ELMO1: variants seen among roughly 807,000 people sequenced by gnomAD.
The protein encoded by ELMO1 is engulfment and cell motility 1, also known as engulfment and cell motility protein 1.
Under a neutral mutation model 98.9 loss-of-function variants are expected in ELMO1, and 26 were observed. The ratio of observed to expected loss-of-function variants is 0.26; its 90% CI spans 0.19 to 0.36. The LOEUF (loss-of-function observed/expected upper bound fraction) is 0.36. Among genes scored for constraint, ELMO1 ranks in the 10% least tolerant of loss-of-function variants. The pLI is 1.00. For missense variants in ELMO1, 627 were observed against 935.2 expected (o/e 0.67, Z 4.30); for synonymous variants, 346 against 346.0 (o/e 1.00, Z 0.00).
At chr7:37,068,982 C>T (rs1797129043) in intron 15 of ELMO1, among the ~76,000 whole-genome samples, 1 of 152,160 alleles carries the variant, frequency 6.6e-6, no homozygotes, top group Non-Finnish European at 1.5e-5. Context: ...GTGTTAATGA[C>T]CTCATTTTGA....
intron 13 of ELMO1, among the ~76,000 whole-genome samples, chr7:37,167,758 G>C (rs1444622274): frequency 6.6e-6 from 1 of 151,910 alleles, no homozygotes; most frequent in Non-Finnish European, 1.5e-5. Context: ...GTTTCTCTCT[G>C]GCTGCCCTTA....
intron 13 of ELMO1, among the ~76,000 whole-genome samples, chr7:37,188,699 T>C (rs1476390018): frequency 6.6e-6 from 1 of 151,976 alleles, no homozygotes; most frequent in Non-Finnish European, 1.5e-5. Context: ...CTAAGACTAA[T>C]GGTAATGGTA....
chr7:37,377,703 A>AT (rs1471172300), intron 1 of ELMO1, among the ~76,000 whole-genome samples: 2 of 152,184 alleles, frequency 1.3e-5, no homozygotes, highest in Admixed American at 1.3e-4. Context: ...CCAAAGTAGT[A>AT]TTCTGAATTT....
chr7:37,346,192 C>A (rs1801001449), intron 1 of ELMO1, among the ~76,000 whole-genome samples: 1 of 152,052 alleles, frequency 6.6e-6, no homozygotes, highest in Non-Finnish European at 1.5e-5. Flanking sequence ...ACTCCTGACC[C>A]CCTGGACACT....
chr7:37,295,714 A>G (rs978363562), intron 4 of ELMO1, among the ~76,000 whole-genome samples: 9 of 152,190 alleles, frequency 5.9e-5, no homozygotes, highest in African/African-American at 2.2e-4. Flanking sequence ...AAGGAGGAAA[A>G]AAAGCTCAGA....
At chr7:37,077,078 C>G (rs912842645) in intron 15 of ELMO1, among the ~76,000 whole-genome samples, 2 of 152,208 alleles carry the variant, frequency 1.3e-5, no homozygotes, top group African/African-American at 4.8e-5. Context: ...CGCTCCAACC[C>G]GTGCAGCCTC....
At chr7:36,875,872 C>T (rs1254021650) in intron 19 of ELMO1, among the ~76,000 whole-genome samples, 1 of 152,172 alleles carries the variant, frequency 6.6e-6, no homozygotes, top group African/African-American at 2.4e-5. Flanking sequence ...GCTGTGCTAA[C>T]ACCTGGCAAA....
rs530120268 is a variant in ELMO1, at chr7:36,932,804, G to A, written c.1438-37787C>T. Among the ~76,000 whole-genome samples, 10 of 152,274 alleles carry A rather than the reference G, an allele frequency of 6.6e-5. No individual in the cohort carries two copies. The East Asian group carries it at 1.9e-3, about 29-fold the overall frequency. On this transcript the variant is annotated intron_variant, in intron 16 of 21. Coordinates refer to ENST00000310758, the MANE Select transcript of ELMO1 (RefSeq NM_014800.11). ...CTCTGTCAGGCTGGCAATACCCTCT[G>A]TGTGCTCCATTCATCACTGAGTGTC... is the stretch of plus-strand genomic sequence containing the variant.
chr7:37,140,258 C>T (rs184658432), intron 13 of ELMO1, among the ~76,000 whole-genome samples: 157 of 150,850 alleles, frequency 1.0e-3, no homozygotes, highest in African/African-American at 3.5e-3. Context: ...TGGTGGCAGG[C>T]GCCTATAGTC....
intron 18 of ELMO1, among the ~76,000 whole-genome samples, chr7:36,881,576 TGA>T (rs1198829759): frequency 1.3e-5 from 2 of 152,184 alleles, no homozygotes; most frequent in African/African-American, 2.4e-5. Flanking sequence ...CAATTACTAA[TGA>T]GAGTACGTTA....
chr7:37,271,892 A>G lies in ELMO1; in HGVS notation c.193-10T>C, dbSNP rs765611183. 1.9e-6 allele frequency: 3 copies of G among 1,613,542 alleles called. No homozygotes were observed. The highest frequency in any genetic ancestry group is 2.5e-6 in the Non-Finnish European group (3 of 1,179,764). ...TTATCTCATTGCGGTTCTGGAAAAG[A>G]AGAAAAAATCTTTGTAAATTTTCAA... On this transcript the variant is annotated splice_polypyrimidine_tract_variant and intron_variant, in intron 4 of 21. Coordinates refer to ENST00000310758, the MANE Select transcript of ELMO1 (RefSeq NM_014800.11).
At chr7:36,978,031 C>T (rs1790722555) in intron 16 of ELMO1, among the ~76,000 whole-genome samples, 1 of 136,422 alleles carries the variant, frequency 7.3e-6, no homozygotes, top group Non-Finnish European at 1.7e-5. Context: ...GCTGGGAATC[C>T]CAAGGCCTAG....
intron 13 of ELMO1, among the ~76,000 whole-genome samples, chr7:37,142,439 G>A (rs112576437): frequency 0.023 from 3,513 of 152,236 alleles, 51 homozygotes; most frequent in Middle Eastern, 0.065. Flanking sequence ...TTCTTATCCC[G>A]GTTCTACTGA....
chr7:36,987,349 G>A (rs1791583494), intron 16 of ELMO1, among the ~76,000 whole-genome samples: 1 of 152,178 alleles, frequency 6.6e-6, no homozygotes, highest in South Asian at 2.1e-4. Context: ...GGTCAGACTC[G>A]AGGGGGCTCA....
At chr7:36,908,036 G>A (rs1473179080) in intron 16 of ELMO1, among the ~76,000 whole-genome samples, 1 of 152,126 alleles carries the variant, frequency 6.6e-6, no homozygotes, top group Admixed American at 6.5e-5. Flanking sequence ...TGTTTTTCCG[G>A]GCCTGAACTT....
chr7:37,344,340 G>A (rs995761683), intron 1 of ELMO1, among the ~76,000 whole-genome samples: 2 of 152,014 alleles, frequency 1.3e-5, no homozygotes, highest in Non-Finnish European at 2.9e-5. Flanking sequence ...CCAAAAGGGA[G>A]CATTCTTTTT....
chr7:36,949,566 G>A (rs181958823), intron 16 of ELMO1, among the ~76,000 whole-genome samples: 15 of 151,844 alleles, frequency 9.9e-5, no homozygotes, highest in Admixed American at 9.2e-4. Context: ...CTGACATTTG[G>A]GCCAGATAAT....
At chr7:37,277,196 G>T (rs773860046) in intron 4 of ELMO1, among the ~76,000 whole-genome samples, 1 of 152,258 alleles carries the variant, frequency 6.6e-6, no homozygotes, top group Non-Finnish European at 1.5e-5. Flanking sequence ...GAATTGGTCA[G>T]TGACAGAAAC....
At chr7:36,880,905 T>C (rs1804400300) in intron 18 of ELMO1, among the ~76,000 whole-genome samples, 1 of 152,252 alleles carries the variant, frequency 6.6e-6, no homozygotes, top group African/African-American at 2.4e-5. Context: ...CCAAAGGGTC[T>C]GCAGCGGACA....
Sources: allele counts gnomAD v4.1 joint callset (sites outside exome capture counted in the v4.1 genomes callset), GRCh38; gene constraint gnomAD v4.1.1; transcripts MANE v1.5; gene names NCBI Gene and HGNC (gene_info 2026-07-23, HGNC 2026-07-21).